The following CNOT4 variants were observed in gnomAD, a reference collection of about 807,000 sequenced individuals.
CNOT4 encodes the protein CCR4-NOT transcription complex subunit 4.
A neutral mutation model predicts 73.8 loss-of-function variants in CNOT4; 8 were observed. The observed-to-expected ratio is 0.11, with a 90% CI of 0.06 to 0.20. The LOEUF (loss-of-function observed/expected upper bound fraction) is 0.20, where lower values mean the gene tolerates loss of function less well. Ranked by LOEUF, CNOT4 falls within the 10% of genes least tolerant of loss-of-function variation. The pLI, the probability that CNOT4 is intolerant of heterozygous loss-of-function variation, is 1.00. For missense variants in CNOT4, 564 were observed against 883.4 expected (o/e 0.64, Z 4.58); for synonymous variants, 293 against 321.1 (o/e 0.91, Z 0.94).
At chr7:135,446,980 T>C (rs959981299) in intron 1 of CNOT4, among the ~76,000 whole-genome samples, 2 of 107,680 alleles carry the variant, frequency 1.9e-5, no homozygotes, top group Admixed American at 1.7e-4. Flanking sequence ...CTGTTCCCAC[T>C]AGAATGGAAA....
chr7:135,387,454 T>C (rs1796177507), intron 10 of CNOT4: 1 of 982,980 alleles, frequency 1.0e-6, no homozygotes, highest in Non-Finnish European at 1.2e-6. Flanking sequence ...AAACTCCAAC[T>C]CCAACATGAC....
intron 10 of CNOT4, among the ~76,000 whole-genome samples, chr7:135,375,212 G>A (rs540132783): frequency 9.2e-5 from 14 of 152,266 alleles, no homozygotes; most frequent in East Asian, 7.7e-4. Flanking sequence ...GAAAGGCAAC[G>A]TCAAGTCAAA....
chr7:135,436,424 A>C (rs577095100), intron 2 of CNOT4, among the ~76,000 whole-genome samples: 181 of 152,066 alleles, frequency 1.2e-3, no homozygotes, highest in Non-Finnish European at 2.3e-3. Context: ...AGTCTTGGGC[A>C]ATCCTGAAAG....
chr7:135,418,918 C>T (rs963416637), intron 3 of CNOT4, among the ~76,000 whole-genome samples: 1 of 152,188 alleles, frequency 6.6e-6, no homozygotes, highest in African/African-American at 2.4e-5. Context: ...CATTTAAGCA[C>T]TTAAAATTCT....
intron 7 of CNOT4, among the ~76,000 whole-genome samples, chr7:135,407,247 T>G (rs973729842): frequency 6.6e-6 from 1 of 152,262 alleles, no homozygotes; most frequent in Non-Finnish European, 1.5e-5. Context: ...CTCTCTTCTT[T>G]ATAAATTATC....
At chr7:135,370,864 G>A (rs1365832129) in intron 10 of CNOT4, among the ~76,000 whole-genome samples, 1 of 152,110 alleles carries the variant, frequency 6.6e-6, no homozygotes, top group Non-Finnish European at 1.5e-5. Context: ...AAGGAAATGA[G>A]CCACTAAGAT....
chr7:135,495,360 C>T (rs1803406448), intron 1 of CNOT4, among the ~76,000 whole-genome samples: 1 of 151,848 alleles, frequency 6.6e-6, no homozygotes, highest in Admixed American at 6.6e-5. Context: ...CAAAAATTAG[C>T]CGGGTATGGT....
chr7:135,452,133 G>T (rs566487142), intron 1 of CNOT4, among the ~76,000 whole-genome samples: 1 of 151,968 alleles, frequency 6.6e-6, no homozygotes, highest in African/African-American at 2.4e-5. Context: ...CAGCTACTGC[G>T]GAGGCTGAGG....
intron 1 of CNOT4, among the ~76,000 whole-genome samples, chr7:135,470,940 CTTAT>C (rs1801540258): frequency 6.6e-6 from 1 of 152,164 alleles, no homozygotes; most frequent in Non-Finnish European, 1.5e-5. Flanking sequence ...TCATCTAACA[CTTAT>C]TTAAGATTAT....
At chr7:135,385,742 A>G (rs1344904863) in intron 10 of CNOT4, among the ~76,000 whole-genome samples, 1 of 152,242 alleles carries the variant, frequency 6.6e-6, no homozygotes, top group Admixed American at 6.5e-5. Context: ...ATGATAAATA[A>G]TAAAATGAGT....
At chr7:135,366,590 A>G (rs1794927783) in intron 10 of CNOT4, among the ~76,000 whole-genome samples, 1 of 152,194 alleles carries the variant, frequency 6.6e-6, no homozygotes, top group Admixed American at 6.5e-5. Flanking sequence ...CTAGTTTATA[A>G]TGCAACAATC....
chr7:135,471,405 A>G (rs1396084544), intron 1 of CNOT4, among the ~76,000 whole-genome samples: 1 of 152,234 alleles, frequency 6.6e-6, no homozygotes, highest in Non-Finnish European at 1.5e-5. Context: ...AAAAACCATT[A>G]AACTGTAGAA....
intron 10 of CNOT4, among the ~76,000 whole-genome samples, chr7:135,374,259 T>A (rs976808982): frequency 1.3e-5 from 2 of 152,184 alleles, no homozygotes; most frequent in African/African-American, 4.8e-5. Context: ...AAGTTATCAA[T>A]GAGAGTCAAA....
chr7:135,377,630 A>G lies in CNOT4; in HGVS notation c.1628-13564T>C, dbSNP rs1267569805. The stretch of plus-strand genomic sequence containing the variant: ...GTCTTAATAGGAACACATCTTTTCC[A>G]GACCTATACATACATATGATACTCC... On this transcript the variant is annotated intron_variant, in intron 10 of 11. Transcript: ENST00000541284. Among the ~76,000 whole-genome samples, 4 of 152,230 alleles carry G rather than the reference A, an allele frequency of 2.6e-5. No homozygotes were observed. The South Asian group carries it at 8.3e-4, about 31-fold the overall frequency.
intron 1 of CNOT4, among the ~76,000 whole-genome samples, chr7:135,438,902 G>A (rs1407367295): frequency 6.6e-6 from 1 of 152,014 alleles, no homozygotes; most frequent in African/African-American, 2.4e-5. Context: ...AGAAACATAG[G>A]CTAAAACTCA....
chr7:135,475,214 A>C (rs1239149052), intron 1 of CNOT4, among the ~76,000 whole-genome samples: 2 of 152,240 alleles, frequency 1.3e-5, no homozygotes, highest in East Asian at 3.8e-4. Context: ...CTGGAACACA[A>C]AGGCTCCAGA....
intron 10 of CNOT4, chr7:135,388,568 C>G: frequency 8.8e-7 from 1 of 1,134,132 alleles, no homozygotes; most frequent in South Asian, 3.7e-5. Context: ...TAGTATCACT[C>G]ATGAGAAACA....
intron 7 of CNOT4, among the ~76,000 whole-genome samples, chr7:135,400,034 T>TA (rs1419195528): frequency 6.6e-6 from 1 of 151,828 alleles, no homozygotes; most frequent in Non-Finnish European, 1.5e-5. Flanking sequence ...CTACTACAAG[T>TA]GGGGCAATTA....
At position 135,500,152 on chromosome 7, in the gene CNOT4, A is replaced by G. The variant is rs530052755; in HGVS notation, c.-93+9737T>C. 2.9e-3 allele frequency among the ~76,000 whole-genome samples: 445 copies of G among 152,324 alleles called. 1 individual carries two copies. Among genetic ancestry groups the G allele is most frequent in the Non-Finnish European group, 5.5e-3 (374 of 68,024 alleles). ...TTATAATAACAATAAAGAAAATGGT[A>G]AAATTAAGTTTAATTTTAAAATTAT... On this transcript the variant is annotated intron_variant, in intron 1 of 11. Transcript: ENST00000541284.
Sources: gnomAD v4.1 joint callset for allele counts (sites outside exome capture counted in the v4.1 genomes callset) on GRCh38, gnomAD v4.1.1 for gene constraint, MANE v1.5 for transcripts, NCBI Gene and HGNC (gene_info 2026-07-23, HGNC 2026-07-21) for gene names.